FUT9: variants seen among roughly 807,000 people sequenced by gnomAD.
FUT9 encodes the protein 4-galactosyl-N-acetylglucosaminide 3-alpha-L-fucosyltransferase 9.
In FUT9, 15 loss-of-function variants were observed where a neutral mutation model predicts 29.7. The ratio of observed to expected loss-of-function variants is 0.51; its 90% CI spans 0.34 to 0.78. The LOEUF (loss-of-function observed/expected upper bound fraction) is 0.78. Among genes scored for constraint, FUT9 ranks in the 30% least tolerant of loss-of-function variants. The probability of loss-of-function intolerance (pLI) is 0.01; values close to 1 mark genes in which losing one functional copy is unlikely to be tolerated. For synonymous variants in FUT9, 169 were observed against 153.7 expected, an observed-to-expected ratio of 1.10 and a Z score of -0.74; for missense variants, 319 against 425.4, an observed-to-expected ratio of 0.75 and a Z score of 2.20.
chr6:96,146,358 C>T (rs1772567672), intron 2 of FUT9, among the ~76,000 whole-genome samples: 2 of 152,022 alleles, frequency 1.3e-5, no homozygotes, highest in East Asian at 1.9e-4. Flanking sequence ...ACAGTCAATC[C>T]TGGAAAGTAT....
At chr6:96,126,797 A>T (rs917137737) in intron 2 of FUT9, among the ~76,000 whole-genome samples, 1 of 152,200 alleles carries the variant, frequency 6.6e-6, no homozygotes, top group African/African-American at 2.4e-5. Context: ...TCATTTCTGT[A>T]TTCTTTAACT....
At chr6:96,043,395 G>A (rs1423041477) in intron 1 of FUT9, among the ~76,000 whole-genome samples, 1 of 152,180 alleles carries the variant, frequency 6.6e-6, no homozygotes. Flanking sequence ...ATTATTTGAT[G>A]TCAAATGACA....
At position 96,123,824 on chromosome 6, in the gene FUT9, A is replaced by G. The variant is rs1358750214; in HGVS notation, c.-9+9697A>G. On this transcript the variant is annotated intron_variant, in intron 2 of 2. Coordinates refer to ENST00000302103, the MANE Select transcript of FUT9 (RefSeq NM_006581.4). ...AAATAACTTATGAGAAAAAAATCAC[A>G]GAGGAAATGATGGAAAATGCCAAGG... Among the ~76,000 whole-genome samples the G allele has an allele frequency of 4.6e-5, 7 of 152,024 alleles. No individual in the cohort carries two copies. The East Asian group carries it at 1.2e-3, about 26-fold the overall frequency.
chr6:96,141,140 A>G lies in FUT9; in HGVS notation c.-9+27013A>G, dbSNP rs564134512. On this transcript the variant is annotated intron_variant, in intron 2 of 2. Transcript: ENST00000302103. ...GCATTATGTTTGTGACAAGTTATCT[A>G]TAACACAATATGGAAGCTATCCTTT... Among the ~76,000 whole-genome samples the G allele has an allele frequency of 5.9e-5, 9 of 152,344 alleles. No individual in the cohort carries two copies. In the East Asian group the frequency reaches 1.7e-3, roughly 29 times the overall value.
chr6:96,131,744 A>C (rs1272088938), intron 2 of FUT9, among the ~76,000 whole-genome samples: 1 of 152,148 alleles, frequency 6.6e-6, no homozygotes, highest in African/African-American at 2.4e-5. Flanking sequence ...ATAACTTTGC[A>C]GACATTATGG....
chr6:96,151,205 T>G (rs1357321198), intron 2 of FUT9, among the ~76,000 whole-genome samples: 1 of 152,216 alleles, frequency 6.6e-6, no homozygotes, highest in Middle Eastern at 3.2e-3. Context: ...TGCTTGAGGC[T>G]TTAATTCTTT....
chr6:96,145,098 C>A (rs1772541244), intron 2 of FUT9, among the ~76,000 whole-genome samples: 1 of 152,084 alleles, frequency 6.6e-6, no homozygotes, highest in South Asian at 2.1e-4. Context: ...TGCTCTGTCA[C>A]CCAGGCTGGA....
intron 1 of FUT9, among the ~76,000 whole-genome samples, chr6:96,097,559 T>C (rs2127955713): frequency 6.6e-6 from 1 of 152,282 alleles, no homozygotes; most frequent in East Asian, 1.9e-4. Context: ...TCTTTTAGCA[T>C]ACAGATGCTG....
chr6:96,173,076 C>T (rs6571098), intron 2 of FUT9, among the ~76,000 whole-genome samples: 138,750 of 152,150 alleles, frequency 0.91, 64,630 homozygotes, highest in Non-Finnish European at 1. Flanking sequence ...AGGAATAGTA[C>T]ATGAGTAATT....
rs993516170 is a variant in FUT9 at position 96,211,922 on chromosome 6, G to A, written c.*7687G>A. 1 of 406,826 alleles carries A rather than the reference G, an allele frequency of 2.5e-6. No homozygotes were observed. The allele number at this position is 406,826 out of a possible 1,614,324, so 25.2% of individuals were successfully genotyped here. A position where few individuals can be genotyped will look rare whatever the true frequency, so the allele number is the denominator to read the frequency against. On this transcript the variant is annotated 3_prime_UTR_variant, in exon 3 of 3. Transcript: ENST00000302103. Reference sequence around the variant, plus strand: ...GAAACCAAACAATTTTGAATTAGTTGTGTAAGTAAAGTAAGTTAAGTTATA... The same window carrying A: ...GAAACCAAACAATTTTGAATTAGTTATGTAAGTAAAGTAAGTTAAGTTATA...
At chr6:96,088,530 TTGTGTGTGTGTGTGTGTG>T (rs35995545) in intron 1 of FUT9, among the ~76,000 whole-genome samples, 2 of 148,712 alleles carry the variant, frequency 1.3e-5, no homozygotes, top group South Asian at 4.2e-4. Context: ...TTTGTTTGTT[TTGTGTGTGTGTGTGTGTG>T]TGTGTGTGTG....
intron 1 of FUT9, among the ~76,000 whole-genome samples, chr6:96,046,401 A>G (rs1417629903): frequency 6.6e-6 from 1 of 152,164 alleles, no homozygotes; most frequent in Non-Finnish European, 1.5e-5. Flanking sequence ...AATTTGAAAA[A>G]TATTAACCTA....
chr6:96,057,569 TA>T (rs1770793625), intron 1 of FUT9, among the ~76,000 whole-genome samples: 1 of 152,208 alleles, frequency 6.6e-6, no homozygotes, highest in African/African-American at 2.4e-5. Context: ...TTTATAAACT[TA>T]TTTTTTTTAA....
intron 1 of FUT9, among the ~76,000 whole-genome samples, chr6:96,056,696 T>A (rs1262416247): frequency 1.3e-5 from 2 of 151,812 alleles, no homozygotes; most frequent in Non-Finnish European, 2.9e-5. Context: ...TAGGCAGAGC[T>A]ATGATCGCAC....
At chr6:96,095,722 T>G (rs1771484123) in intron 1 of FUT9, among the ~76,000 whole-genome samples, 1 of 152,138 alleles carries the variant, frequency 6.6e-6, no homozygotes, top group Non-Finnish European at 1.5e-5. Context: ...CCATTGGTGA[T>G]TTCATCAAAT....
At chr6:96,077,245 C>T (rs1265621278) in intron 1 of FUT9, among the ~76,000 whole-genome samples, 1 of 152,164 alleles carries the variant, frequency 6.6e-6, no homozygotes, top group African/African-American at 2.4e-5. Context: ...CACACATACA[C>T]ATCCCTTTTA....
intron 1 of FUT9, chr6:96,037,179 C>T (rs1049120841): frequency 6.6e-6 from 1 of 151,880 alleles, no homozygotes; most frequent in Non-Finnish European, 1.5e-5. Context: ...AGTTATTAGC[C>T]TTTGTAAGAG....
chr6:96,171,464 T>G (rs372131259), intron 2 of FUT9, among the ~76,000 whole-genome samples: 1 of 150,854 alleles, frequency 6.6e-6, no homozygotes, highest in Admixed American at 6.6e-5. Flanking sequence ...GGGGCTGGAG[T>G]TCCCAGTAAG....
chr6:96,154,577 A>G (rs4840229), intron 2 of FUT9, among the ~76,000 whole-genome samples: 61,765 of 152,014 alleles, frequency 0.41, 13,762 homozygotes, highest in South Asian at 0.7. Flanking sequence ...CTCTGGGTAT[A>G]GTCTGATCAA....
Sources: allele counts gnomAD v4.1 joint callset (sites outside exome capture counted in the v4.1 genomes callset), GRCh38; gene constraint gnomAD v4.1.1; transcripts MANE v1.5; gene names NCBI Gene and HGNC (gene_info 2026-07-23, HGNC 2026-07-21).